Variants in BBOF1 observed in about 807,000 individuals in gnomAD.
BBOF1 encodes the protein basal body-orientation factor 1.
A neutral mutation model predicts 68.0 loss-of-function variants in BBOF1; 62 were observed. The observed-to-expected ratio is 0.91, with a 90% CI of 0.74 to 1.13. The LOEUF (loss-of-function observed/expected upper bound fraction) is 1.13, where lower values mean the gene tolerates loss of function less well. Among genes scored for constraint, BBOF1 ranks in the 50% most tolerant of loss-of-function variants. The probability of loss-of-function intolerance (pLI) is 0.00; values close to 1 mark genes in which losing one functional copy is unlikely to be tolerated. For missense variants in BBOF1, 534 were observed against 600.1 expected, an observed-to-expected ratio of 0.89 and a Z score of 1.15; for synonymous variants, 208 against 198.8, an observed-to-expected ratio of 1.05 and a Z score of -0.39.
chr14:74,048,081 T>C lies in BBOF1; in HGVS notation c.792+7T>C, dbSNP rs754618333. On this transcript the variant is annotated splice_region_variant and intron_variant, in intron 7 of 11. Coordinates refer to ENST00000394009, the MANE Select transcript of BBOF1 (RefSeq NM_025057.3). ...TTTACTTTTACATCAAAAGGTTCCC[T>C]CTCATTTAGACTTGGTGTCCTTCTT... 6 of 1,605,604 alleles carry C rather than the reference T, an allele frequency of 3.7e-6. No individual in the cohort carries two copies. In the East Asian group the frequency reaches 1.3e-4, roughly 36 times the overall value.
intron 2 of BBOF1, among the ~76,000 whole-genome samples, chr14:74,024,181 G>A (rs138377765): frequency 2.0e-5 from 3 of 152,268 alleles, no homozygotes; most frequent in African/African-American, 7.2e-5. Flanking sequence ...AATTCAGGCT[G>A]GGTGTGGTAG....
At chr14:74,040,370 C>G (rs997524621) in intron 4 of BBOF1, among the ~76,000 whole-genome samples, 195 bp from the exon 5 acceptor site, 7 of 152,140 alleles carry the variant, frequency 4.6e-5, no homozygotes, top group Admixed American at 1.3e-4. Context: ...GACTACTGTA[C>G]TAATGTTATC....
chr14:74,053,700 C>G (rs1186807278), intron 8 of BBOF1, among the ~76,000 whole-genome samples: 4 of 151,816 alleles, frequency 2.6e-5, no homozygotes, highest in African/African-American at 9.7e-5. Flanking sequence ...AGCCACCGCA[C>G]CTGGCCAAAA....
rs543835501 is a variant in BBOF1 at position 74,040,659 on chromosome 14, G to C, written c.576+14G>C. 4.6e-5 allele frequency: 69 copies of C among 1,487,370 alleles called. No homozygotes were observed. In the East Asian group the frequency reaches 1.5e-3, roughly 32 times the overall value. The allele number at this position is 1,487,370 out of a possible 1,614,324, so 92.1% of individuals were successfully genotyped here. ...TTTGAAGAAAAGGTACAGATTATTA[G>C]GGTTAATTTAAAATGTTTTGTTTAC... is the stretch of plus-strand genomic sequence containing the variant. On this transcript the variant is annotated intron_variant, in intron 5 of 11. Coordinates refer to ENST00000394009, the MANE Select transcript of BBOF1 (RefSeq NM_025057.3).
At chr14:74,073,679 G>A (rs1168284786) in intron 9 of BBOF1, among the ~76,000 whole-genome samples, 1 of 152,036 alleles carries the variant, frequency 6.6e-6, no homozygotes. Context: ...CACTTTGGGA[G>A]GCCGAGGCAG....
rs1005358527 is a variant in BBOF1 at position 74,050,254 on chromosome 14, G to A, written c.1286+59G>A. 13 of 1,497,300 alleles carry A rather than the reference G, an allele frequency of 8.7e-6. No homozygotes were observed. The African/African-American group carries it at 1.1e-4, about 13-fold the overall frequency. The allele number at this position is 1,497,300 out of a possible 1,614,324, so 92.8% of individuals were successfully genotyped here. A position where few individuals can be genotyped will look rare whatever the true frequency, so the allele number is the denominator to read the frequency against. ...GCTATTTTTGTGTCCTTTACAGAAA[G>A]AGGAAGTCTGAAAAGTTTAGTTTTA... On this transcript the variant is annotated intron_variant, in intron 8 of 11. Coordinates refer to ENST00000394009, the MANE Select transcript of BBOF1 (RefSeq NM_025057.3).
At chr14:74,071,533 CT>C (rs2060548801) in intron 9 of BBOF1, 1 of 1,612,910 alleles carries the variant, frequency 6.2e-7, no homozygotes. Context: ...GCTCTCCACA[CT>C]GTGTACTAGT....
downstream of BBOF1, among the ~76,000 whole-genome samples, chr14:74,069,776 T>C (rs2060523486): frequency 1.3e-5 from 2 of 151,154 alleles, no homozygotes; most frequent in South Asian, 4.2e-4. Flanking sequence ...AATATAAAAA[T>C]AAATTCTATT....
intron 11 of BBOF1, chr14:74,059,589 G>C (rs972788233): frequency 7.5e-6 from 2 of 265,742 alleles, no homozygotes; most frequent in Non-Finnish European, 1.5e-5. Context: ...CAGCTACTAG[G>C]GGGGCTGAGG....
chr14:74,019,359 C>T lies in BBOF1; in HGVS notation c.-120C>T, dbSNP rs1214926449. 6.8e-6 allele frequency: 9 copies of T among 1,323,218 alleles called. No homozygotes were observed. The highest frequency in any genetic ancestry group is 8.8e-6 in the Non-Finnish European group (9 of 1,023,558). The allele number at this position is 1,323,218 out of a possible 1,614,324, so 82.0% of individuals were successfully genotyped here. A position where few individuals can be genotyped will look rare whatever the true frequency, so the allele number is the denominator to read the frequency against. ...GTCACGGGCGCGTGCGCTCTCCGCG[C>T]GCCGTCAGCGGCGCGGGTGGGGCAT... On this transcript the variant is annotated 5_prime_UTR_variant, in exon 1 of 12. Coordinates refer to ENST00000394009, the MANE Select transcript of BBOF1 (RefSeq NM_025057.3).
chr14:74,072,800 G>GT (rs1279355691), intron 9 of BBOF1, among the ~76,000 whole-genome samples: 1 of 151,956 alleles, frequency 6.6e-6, no homozygotes, highest in Non-Finnish European at 1.5e-5. Context: ...GTGTGTGTGT[G>GT]TTTATTTTTT....
Position 74,046,042 on chromosome 14 carries a change from G to A in BBOF1, c.577-18G>A, listed in dbSNP as rs764129960. 5 of 1,590,392 alleles carry A rather than the reference G, an allele frequency of 3.1e-6. No individual in the cohort carries two copies. In the South Asian group the frequency reaches 4.6e-5, roughly 15 times the overall value. On this transcript the variant is annotated intron_variant, in intron 5 of 11. Coordinates refer to ENST00000394009, the MANE Select transcript of BBOF1 (RefSeq NM_025057.3). ...TGTTAGGGGCATAATTATTTAAGCA[G>A]CCCATTTTCTTTTTTAGCACCGACT...
intron 9 of BBOF1, among the ~76,000 whole-genome samples, chr14:74,074,607 G>C (rs942772072): frequency 6.6e-6 from 1 of 152,086 alleles, no homozygotes; most frequent in Non-Finnish European, 1.5e-5. Flanking sequence ...ACCTACTGTG[G>C]TACAGTGTGT....
intron 10 of BBOF1, among the ~76,000 whole-genome samples, chr14:74,078,561 T>C (rs957869865): frequency 1.3e-5 from 2 of 152,076 alleles, no homozygotes; most frequent in Non-Finnish European, 2.9e-5. Context: ...AGAGTCTCAC[T>C]CTGTCACCCA....
At chr14:74,044,533 G>T (rs1447703337) in intron 5 of BBOF1, among the ~76,000 whole-genome samples, 1 of 149,230 alleles carries the variant, frequency 6.7e-6, no homozygotes, top group African/African-American at 2.5e-5. Flanking sequence ...CACAACCATG[G>T]CTCACTGCAG....
Position 74,064,751 on chromosome 14 carries a change from A to G in BBOF1, c.*52A>G. The stretch of plus-strand genomic sequence containing the variant: ...GCTGCTGGCAGTCCCTTCCTTGCAG[A>G]ATCCTTGCTCCTGAATATCTTTAAG... On this transcript the variant is annotated 3_prime_UTR_variant, in exon 12 of 12. Coordinates refer to ENST00000394009, the MANE Select transcript of BBOF1 (RefSeq NM_025057.3). The G allele has an allele frequency of 6.2e-7, 1 of 1,611,674 alleles. No homozygotes were observed. Among genetic ancestry groups the G allele is most frequent in the Non-Finnish European group, 8.5e-7 (1 of 1,177,706 alleles).
At chr14:74,068,795 G>A (rs2060508173), downstream of BBOF1, 2 of 1,577,382 alleles carry the variant, frequency 1.3e-6, no homozygotes, top group East Asian at 2.3e-5. Context: ...CTCTGCTGAA[G>A]GTCTGTTCCT....
chr14:74,049,779 G>T lies in BBOF1; in HGVS notation c.870G>T (p.Lys290Asn), dbSNP rs1313375199. The change falls in exon 8 of 12, where the codon AAG becomes AAT. Residue 290 changes from lysine to asparagine, a missense_variant. By Grantham distance (94) the Lys-to-Asn change is moderately conservative (BLOSUM62 0). Coordinates refer to ENST00000394009, the MANE Select transcript of BBOF1 (RefSeq NM_025057.3). ...QQRSQIQTLQKKVVNLETALS... is the reference protein window; with the variant it reads ...QQRSQIQTLQNKVVNLETALS... Reference sequence around the variant, plus strand: ...GATCACAAATCCAAACCCTTCAGAAGAAGGTAGTAAACTTGGAGACTGCTC... The same window carrying T: ...GATCACAAATCCAAACCCTTCAGAATAAGGTAGTAAACTTGGAGACTGCTC... 1.9e-6 allele frequency: 3 copies of T among 1,614,060 alleles called. No individual in the cohort carries two copies. The highest frequency in any genetic ancestry group is 3.3e-5 in the Admixed American group (2 of 59,982).
In BBOF1 at chr14:74,019,910, T is replaced by C. The variant is rs563959421; in HGVS notation, c.56+376T>C. ...AGGCCTGGAGTTGCTGCTAGATTGCTACTAGCCCTATTGGGGGACCCCGGT... is the reference window on the plus strand; with the variant it reads ...AGGCCTGGAGTTGCTGCTAGATTGCCACTAGCCCTATTGGGGGACCCCGGT... On this transcript the variant is annotated intron_variant, in intron 1 of 11. Transcript: ENST00000394009. 2.0e-5 allele frequency among the ~76,000 whole-genome samples: 3 copies of C among 152,378 alleles called. No homozygotes were observed. The South Asian group carries it at 6.2e-4, about 32-fold the overall frequency.
Sources: gnomAD v4.1 joint callset for allele counts (sites outside exome capture counted in the v4.1 genomes callset) on GRCh38, gnomAD v4.1.1 for gene constraint, MANE v1.5 for transcripts, NCBI Gene and HGNC (gene_info 2026-07-23, HGNC 2026-07-21) for gene names.